The following MAGI1 variants were observed in gnomAD, a reference collection of about 807,000 sequenced individuals.
MAGI1 encodes the protein membrane-associated guanylate kinase, WW and PDZ domain-containing protein 1.
A neutral mutation model predicts 139.9 loss-of-function variants in MAGI1; 58 were observed. The ratio of observed to expected loss-of-function variants is 0.41; its 90% confidence interval spans 0.34 to 0.52. The LOEUF (loss-of-function observed/expected upper bound fraction) is 0.52, where lower values mean the gene tolerates loss of function less well. Ranked by LOEUF, MAGI1 falls within the 20% of genes least tolerant of loss-of-function variation. The pLI, the probability that MAGI1 is intolerant of heterozygous loss-of-function variation, is 0.12. For missense variants in MAGI1, 1,874 were observed against 1,901.6 expected (o/e 0.99, Z 0.27); for synonymous variants, 812 against 737.9 (o/e 1.10, Z -1.63).
chr3:65,387,071 C>A, intron 14 of MAGI1: 1 of 1,338,772 alleles, frequency 7.5e-7, no homozygotes, highest in African/African-American at 1.4e-5. Flanking sequence ...TCTCCCCAGG[C>A]CCCCAGACCA....
intron 5 of MAGI1, among the ~76,000 whole-genome samples, chr3:65,466,527 C>T (rs184092293): frequency 2.0e-5 from 3 of 152,202 alleles, no homozygotes; most frequent in East Asian, 3.9e-4. Flanking sequence ...TTTGTTGATA[C>T]CAGCTAGGCT....
At chr3:65,856,614 G>T (rs1316584143) in intron 1 of MAGI1, among the ~76,000 whole-genome samples, 1 of 152,142 alleles carries the variant, frequency 6.6e-6, no homozygotes, top group Non-Finnish European at 1.5e-5. Context: ...CAACACGCCA[G>T]GCTTTCCTCC....
intron 4 of MAGI1, among the ~76,000 whole-genome samples, chr3:65,474,324 T>G (rs990693307): frequency 1.3e-5 from 2 of 152,120 alleles, no homozygotes; most frequent in Admixed American, 1.3e-4. Context: ...CAGCCACCAC[T>G]TTCTTACTAA....
chr3:65,861,299 T>C (rs2059548354), intron 1 of MAGI1, among the ~76,000 whole-genome samples: 1 of 152,200 alleles, frequency 6.6e-6, no homozygotes, highest in Admixed American at 6.5e-5. Context: ...TTGAATTTCT[T>C]ATACCAGGTG....
At chr3:65,725,470 C>T (rs1314199309) in intron 1 of MAGI1, among the ~76,000 whole-genome samples, 1 of 152,204 alleles carries the variant, frequency 6.6e-6, no homozygotes, top group African/African-American at 2.4e-5. Flanking sequence ...TCTAACAAGA[C>T]AGCAGGAGGA....
chr3:65,989,997 G>A (rs1321621406), intron 1 of MAGI1, among the ~76,000 whole-genome samples: 2 of 152,136 alleles, frequency 1.3e-5, no homozygotes, highest in African/African-American at 4.8e-5. Flanking sequence ...AACTGGTTCA[G>A]GTGGTACACA....
chr3:65,749,287 A>G (rs1041705319), intron 1 of MAGI1, among the ~76,000 whole-genome samples: 1 of 152,192 alleles, frequency 6.6e-6, no homozygotes, highest in African/African-American at 2.4e-5. Flanking sequence ...AGCTATCCTT[A>G]TAACTGAGCA....
chr3:65,413,501 C>T (rs563708034), intron 12 of MAGI1, among the ~76,000 whole-genome samples: 1 of 152,216 alleles, frequency 6.6e-6, no homozygotes, highest in South Asian at 2.1e-4. Context: ...AGTGAGCAGC[C>T]CCATTCATCT....
intron 1 of MAGI1, among the ~76,000 whole-genome samples, chr3:65,846,258 G>A (rs532218669): frequency 6.6e-6 from 1 of 152,288 alleles, no homozygotes; most frequent in East Asian, 1.9e-4. Context: ...CCTAAAGTTG[G>A]CTAGAGTCTG....
At chr3:65,943,732 T>C (rs554009445) in intron 1 of MAGI1, among the ~76,000 whole-genome samples, 3 of 152,286 alleles carry the variant, frequency 2.0e-5, no homozygotes, top group Non-Finnish European at 2.9e-5. Context: ...AATCTTGTCC[T>C]ACAATTTGAA....
chr3:65,728,673 C>G (rs1047657866), intron 1 of MAGI1, among the ~76,000 whole-genome samples: 3 of 152,036 alleles, frequency 2.0e-5, no homozygotes, highest in Non-Finnish European at 4.4e-5. Context: ...ACAGTATTGT[C>G]AGAAGAGAAA....
intron 2 of MAGI1, among the ~76,000 whole-genome samples, chr3:65,620,899 A>G (rs2083633719): frequency 6.6e-6 from 1 of 152,198 alleles, no homozygotes; most frequent in Non-Finnish European, 1.5e-5. Context: ...CTAGAACTAT[A>G]GTCTAAGTCC....
intron 2 of MAGI1, among the ~76,000 whole-genome samples, chr3:65,620,415 T>G (rs1332485985): frequency 2.0e-5 from 3 of 152,142 alleles, no homozygotes; most frequent in Non-Finnish European, 4.4e-5. Flanking sequence ...TTCAAAGGGT[T>G]ACTATAGGAG....
At chr3:65,980,477 C>T (rs1282444606) in intron 1 of MAGI1, among the ~76,000 whole-genome samples, 2 of 151,132 alleles carry the variant, frequency 1.3e-5, no homozygotes, top group African/African-American at 4.9e-5. Flanking sequence ...GCAGGAGAAT[C>T]GCTTGAACCC....
chr3:65,806,733 C>T (rs979782177), intron 1 of MAGI1, among the ~76,000 whole-genome samples: 1 of 152,174 alleles, frequency 6.6e-6, no homozygotes, highest in Admixed American at 6.5e-5. Flanking sequence ...GTGATGTCAT[C>T]TGAAAATTAG....
intron 1 of MAGI1, among the ~76,000 whole-genome samples, chr3:65,877,288 T>C (rs1232301920): frequency 1.3e-5 from 2 of 152,042 alleles, no homozygotes; most frequent in Non-Finnish European, 2.9e-5. Flanking sequence ...AGAGAAGAAA[T>C]GAAACTCTAC....
rs1047565214 is a variant in MAGI1 at position 65,695,267 on chromosome 3, T to C, written c.314-73179A>G. Among the ~76,000 whole-genome samples, 8 of 152,324 alleles carry C rather than the reference T, an allele frequency of 5.3e-5. No homozygotes were observed. The South Asian group carries it at 8.3e-4, about 16-fold the overall frequency. ...AAGATGTATTTTAGGTGGGAGACTG[T>C]TGGGACAAAGTTCGGCCTGATTCAG... is the stretch of plus-strand genomic sequence containing the variant. On this transcript the variant is annotated intron_variant, in intron 1 of 22. Transcript: ENST00000402939.
At chr3:65,801,438 T>C (rs904673859) in intron 1 of MAGI1, among the ~76,000 whole-genome samples, 1 of 152,214 alleles carries the variant, frequency 6.6e-6, no homozygotes, top group African/African-American at 2.4e-5. Context: ...AAGTCTTAGA[T>C]TCCATCAAAG....
chr3:65,372,014 T>A (rs542667418), intron 18 of MAGI1: 1 of 290,886 alleles, frequency 3.4e-6, no homozygotes, highest in African/African-American at 2.2e-5. Flanking sequence ...CTTGTTAAGG[T>A]CAACATGTCT....
Sources: gnomAD v4.1 joint callset for allele counts (sites outside exome capture counted in the v4.1 genomes callset) on GRCh38, gnomAD v4.1.1 for gene constraint, MANE v1.5 for transcripts, NCBI Gene and HGNC (gene_info 2026-07-23, HGNC 2026-07-21) for gene names.